Variants in LHPP observed in about 807,000 individuals in gnomAD.
LHPP encodes hLHPP.
Under a neutral mutation model 30.3 loss-of-function variants are expected in LHPP, and 24 were observed. The ratio of observed to expected loss-of-function variants is 0.79; its 90% CI spans 0.57 to 1.11. LHPP has a LOEUF of 1.11. Among genes scored for constraint, LHPP ranks in the 50% most tolerant of loss-of-function variants. The pLI, the probability that LHPP is intolerant of heterozygous loss-of-function variation, is 0.00. For missense variants in LHPP, 356 were observed against 367.2 expected (o/e 0.97, Z 0.25); for synonymous variants, 150 against 157.1 (o/e 0.95, Z 0.34).
chr10:124,473,084 G>A (rs1952837004), intron 1 of LHPP, among the ~76,000 whole-genome samples: 1 of 152,172 alleles, frequency 6.6e-6, no homozygotes, highest in Non-Finnish European at 1.5e-5. Flanking sequence ...AAAATCAAGG[G>A]CAGCCAGGGT....
rs772399156 is a variant in LHPP, at chr10:124,484,117, GCCTGTGTCTCC to G, written c.126-17_126-7del. 6.5e-5 allele frequency: 105 copies of G among 1,611,080 alleles called. No homozygotes were observed. The African/African-American group carries it at 1.1e-3, about 16-fold the overall frequency. Reference sequence around the variant, plus strand: ...AACACTCCACGTGCTGACTTCCCGGGCCTGTGTCTCCCCTGCCGCAGACTGAAGCGTTCCCG... The same window carrying G: ...AACACTCCACGTGCTGACTTCCCGGGCCTGCCGCAGACTGAAGCGTTCCCG... On this transcript the variant is annotated splice_polypyrimidine_tract_variant and intron_variant, in intron 1 of 6. Coordinates refer to ENST00000368842, the MANE Select transcript of LHPP (RefSeq NM_022126.4).
chr10:124,563,329 G>GTA (rs58019358), intron 6 of LHPP, among the ~76,000 whole-genome samples: 6 of 130,404 alleles, frequency 4.6e-5, no homozygotes, highest in Non-Finnish European at 6.5e-5. Flanking sequence ...TTTTTTTTTT[G>GTA]CATAAAATCC....
intron 6 of LHPP, among the ~76,000 whole-genome samples, chr10:124,607,571 ATCT>A (rs1307118384): frequency 3.3e-5 from 5 of 152,172 alleles, no homozygotes; most frequent in Admixed American, 3.3e-4. Context: ...ACAAAGCGTC[ATCT>A]TCTATGGGGA....
chr10:124,584,437 AG>A (rs1172617408), intron 6 of LHPP, among the ~76,000 whole-genome samples: 1 of 152,066 alleles, frequency 6.6e-6, no homozygotes, highest in Non-Finnish European at 1.5e-5. Flanking sequence ...TCCAATATCA[AG>A]GCACTGGTAG....
chr10:124,543,120 A>C (rs1955242070), intron 6 of LHPP, among the ~76,000 whole-genome samples: 1 of 152,196 alleles, frequency 6.6e-6, no homozygotes, highest in African/African-American at 2.4e-5. Flanking sequence ...GGATACCTGG[A>C]CAGGGCCTTG....
intron 6 of LHPP, among the ~76,000 whole-genome samples, chr10:124,581,195 T>G (rs1239278306): frequency 1.3e-5 from 2 of 152,202 alleles, no homozygotes; most frequent in Non-Finnish European, 2.9e-5. Flanking sequence ...ACTCTGCGTG[T>G]TTTCAAGGTT....
Position 124,590,962 on chromosome 10 carries a change from ATCCT to A in LHPP, c.717-22301_717-22298del, listed in dbSNP as rs1948876204. Among the ~76,000 whole-genome samples the A allele has an allele frequency of 6.6e-6, 1 of 152,210 alleles. No homozygotes were observed. The highest frequency in any genetic ancestry group is 1.5e-5 in the Non-Finnish European group (1 of 68,034). On this transcript the variant is annotated intron_variant, in intron 6 of 6. Transcript: ENST00000368842. This position sits in a 1 kb window ranked among gnomAD's most constrained non-coding sequence, Gnocchi z 4.3. The stretch of plus-strand genomic sequence containing the variant: ...GTCTCAGACAGAAGCAGTCTCGCCC[ATCCT>A]GGGGCCTGAGAGCATCATTCCTTTG...
At chr10:124,484,057 T>C (rs1953234531) in intron 1 of LHPP, 82 bp from the exon 2 acceptor site, 1 of 1,377,812 alleles carries the variant, frequency 7.3e-7, no homozygotes, top group African/African-American at 1.4e-5. Flanking sequence ...CTGGATGCCC[T>C]TCGAGAATCA....
chr10:124,597,054 C>G (rs762728025), intron 6 of LHPP, among the ~76,000 whole-genome samples: 2 of 152,132 alleles, frequency 1.3e-5, no homozygotes, highest in African/African-American at 4.8e-5. Context: ...ATCCGTCTCC[C>G]GTGCTGGATG....
chr10:124,537,955 T>C (rs1480639623), intron 6 of LHPP, among the ~76,000 whole-genome samples: 1 of 152,266 alleles, frequency 6.6e-6, no homozygotes, highest in East Asian at 1.9e-4. Context: ...GGAGACCTTC[T>C]TGGGGGTTCG....
intron 6 of LHPP, among the ~76,000 whole-genome samples, chr10:124,547,384 T>C (rs1363759006): frequency 1.3e-5 from 2 of 152,278 alleles, no homozygotes; most frequent in Non-Finnish European, 2.9e-5. Context: ...CTTTAGATTC[T>C]GTGAGTGAGT....
intron 1 of LHPP, among the ~76,000 whole-genome samples, chr10:124,476,489 GT>G (rs1184754062): frequency 2.6e-5 from 4 of 152,150 alleles, no homozygotes; most frequent in Admixed American, 2.0e-4. Flanking sequence ...ACCCATCACT[GT>G]TTATGGCTCG....
intron 6 of LHPP, among the ~76,000 whole-genome samples, chr10:124,535,099 G>A (rs1954991076): frequency 6.6e-6 from 1 of 152,186 alleles, no homozygotes; most frequent in Non-Finnish European, 1.5e-5. Context: ...CACTGTGTGT[G>A]GCGATAGCAA....
chr10:124,545,635 CG>C (rs1564822038), intron 6 of LHPP, among the ~76,000 whole-genome samples: 1 of 149,896 alleles, frequency 6.7e-6, no homozygotes, highest in African/African-American at 2.5e-5. Flanking sequence ...AAAGGCCCAG[CG>C]GGTGTGTCAG....
At chr10:124,509,757 G>GC (rs1372698399) in intron 5 of LHPP, among the ~76,000 whole-genome samples, 2 of 151,774 alleles carry the variant, frequency 1.3e-5, no homozygotes, top group Admixed American at 6.6e-5. Flanking sequence ...GGGGATATGT[G>GC]CACCCCAGAG....
At chr10:124,578,257 C>T (rs953850042) in intron 6 of LHPP, among the ~76,000 whole-genome samples, 1 of 152,242 alleles carries the variant, frequency 6.6e-6, no homozygotes, top group Non-Finnish European at 1.5e-5. Flanking sequence ...AGACCAAGTC[C>T]GTGCAGGGGC....
At chr10:124,514,478 C>T (rs1386387713) in intron 5 of LHPP, among the ~76,000 whole-genome samples, 1 of 152,132 alleles carries the variant, frequency 6.6e-6, no homozygotes, top group African/African-American at 2.4e-5. Flanking sequence ...TCTAGATGGG[C>T]AGTTTTTTCT....
chr10:124,465,890 A>G (rs1044379942), intron 1 of LHPP, among the ~76,000 whole-genome samples: 1 of 152,228 alleles, frequency 6.6e-6, no homozygotes, highest in African/African-American at 2.4e-5. Flanking sequence ...AACTATATCA[A>G]GCTGCCCTGT....
chr10:124,526,028 A>T, intron 6 of LHPP: 1 of 246,558 alleles, frequency 4.1e-6, no homozygotes, highest in East Asian at 1.8e-4. Context: ...CCCTGTAGGC[A>T]GCCTCCCAAC....
Sources: gnomAD v4.1 joint callset for allele counts (sites outside exome capture counted in the v4.1 genomes callset) on GRCh38, gnomAD v4.1.1 for gene constraint, Gnocchi (gnomAD v3.1) non-coding constraint, MANE v1.5 for transcripts, NCBI Gene and HGNC (gene_info 2026-07-23, HGNC 2026-07-21) for gene names.